Variants in PCDH9 observed in about 807,000 individuals in gnomAD.
The protein encoded by PCDH9 is protocadherin 9, also known as protocadherin-9.
In PCDH9, 24 loss-of-function variants were observed where a neutral mutation model predicts 70.6. The observed-to-expected ratio is 0.34, with a 90% CI of 0.25 to 0.48. The LOEUF (loss-of-function observed/expected upper bound fraction) is 0.48. Ranked by LOEUF, PCDH9 falls within the 20% of genes least tolerant of loss-of-function variation. The pLI is 0.99. For synonymous variants in PCDH9, 562 were observed against 558.5 expected (o/e 1.01, Z -0.09); for missense variants, 1,281 against 1,503.6 (o/e 0.85, Z 2.45).
intron 4 of PCDH9, among the ~76,000 whole-genome samples, chr13:66,559,140 T>C (rs186725972): frequency 2.4e-3 from 365 of 152,244 alleles, no homozygotes; most frequent in African/African-American, 8.4e-3. Context: ...CAGAAGAGAA[T>C]TGTCAGGAGT....
At chr13:66,989,118 C>T (rs2083950708) in intron 2 of PCDH9, among the ~76,000 whole-genome samples, 1 of 151,910 alleles carries the variant, frequency 6.6e-6, no homozygotes, top group African/African-American at 2.4e-5. Context: ...TAAAGATTTA[C>T]ACTCCATTCC....
chr13:66,320,645 C>A (rs903415064), intron 4 of PCDH9, among the ~76,000 whole-genome samples: 1 of 151,866 alleles, frequency 6.6e-6, no homozygotes, highest in Non-Finnish European at 1.5e-5. Flanking sequence ...ACTTCATGGC[C>A]ATGTTATAAC....
At chr13:66,469,866 T>C (rs1269004931) in intron 4 of PCDH9, among the ~76,000 whole-genome samples, 2 of 152,188 alleles carry the variant, frequency 1.3e-5, no homozygotes, top group Non-Finnish European at 1.5e-5. Context: ...TTATCTGCTA[T>C]GTCTGTAACT....
At chr13:66,916,567 A>C (rs1486488996) in intron 2 of PCDH9, among the ~76,000 whole-genome samples, 1 of 151,510 alleles carries the variant, frequency 6.6e-6, no homozygotes, top group Non-Finnish European at 1.5e-5. Flanking sequence ...AAAATCAAAT[A>C]CTCTAATAAA....
At chr13:66,628,558 G>A (rs765568869) in intron 4 of PCDH9, among the ~76,000 whole-genome samples, 21 of 152,172 alleles carry the variant, frequency 1.4e-4, no homozygotes, top group Non-Finnish European at 1.3e-4. Flanking sequence ...CTGGAGTGCA[G>A]TTGAGTGATT....
At chr13:66,798,401 G>T (rs2080277727) in intron 3 of PCDH9, among the ~76,000 whole-genome samples, 1 of 151,992 alleles carries the variant, frequency 6.6e-6, no homozygotes. Context: ...TTCTCCTCTG[G>T]AGTATATGCA....
intron 3 of PCDH9, among the ~76,000 whole-genome samples, chr13:66,732,289 G>A (rs1250988042): frequency 6.6e-6 from 1 of 151,618 alleles, no homozygotes; most frequent in Non-Finnish European, 1.5e-5. Flanking sequence ...TTCTAATCCA[G>A]CTATTTTGAA....
chr13:66,563,370 A>G (rs1260689438), intron 4 of PCDH9, among the ~76,000 whole-genome samples: 2 of 152,124 alleles, frequency 1.3e-5, no homozygotes, highest in African/African-American at 4.8e-5. Flanking sequence ...AGATCCGTAA[A>G]TTCACTTAGG....
chr13:66,424,668 C>T (rs1276785066), intron 4 of PCDH9, among the ~76,000 whole-genome samples: 1 of 151,904 alleles, frequency 6.6e-6, no homozygotes, highest in African/African-American at 2.4e-5. Context: ...ATTCCTTGTA[C>T]ACTGGCCAAA....
chr13:66,597,679 T>A (rs2077119998), intron 4 of PCDH9, among the ~76,000 whole-genome samples: 1 of 151,786 alleles, frequency 6.6e-6, no homozygotes, highest in South Asian at 2.1e-4. Flanking sequence ...GGCAGTAGTT[T>A]CCTGGATATG....
chr13:66,867,543 T>C (rs921304959), intron 3 of PCDH9, among the ~76,000 whole-genome samples: 7 of 152,066 alleles, frequency 4.6e-5, no homozygotes, highest in Admixed American at 4.6e-4. Context: ...AGAATAGCTA[T>C]GAAAAAAACC....
At chr13:66,667,994 A>G (rs2078119443) in intron 3 of PCDH9, among the ~76,000 whole-genome samples, 5 of 152,208 alleles carry the variant, frequency 3.3e-5, no homozygotes. Context: ...ATTTCTTTGC[A>G]CATCTAATTT....
At position 66,452,481 on chromosome 13, in the gene PCDH9, A is replaced by G. The variant is rs187650050; in HGVS notation, c.3341-147453T>C. On this transcript the variant is annotated intron_variant, in intron 4 of 4. Coordinates refer to ENST00000377865, the MANE Select transcript of PCDH9 (RefSeq NM_203487.3). ...CCTCATCCCCATTTATAATATTTAT[A>G]TATTTCTTGAAGATCCTTTCTTTTG... 1.1e-4 allele frequency among the ~76,000 whole-genome samples: 17 copies of G among 152,252 alleles called. No homozygotes were observed. The East Asian group carries it at 3.3e-3, about 29-fold the overall frequency.
chr13:67,188,887 C>T (rs1483280021), intron 2 of PCDH9, among the ~76,000 whole-genome samples: 6 of 151,770 alleles, frequency 4.0e-5, no homozygotes, highest in Admixed American at 6.6e-5. Context: ...CACCCATCAC[C>T]CAAGAAGTAT....
chr13:67,081,095 C>T (rs1488012114), intron 2 of PCDH9, among the ~76,000 whole-genome samples: 3 of 151,976 alleles, frequency 2.0e-5, no homozygotes, highest in African/African-American at 4.8e-5. Flanking sequence ...AAAAGATATC[C>T]ATATGTATTG....
Position 66,921,891 on chromosome 13 carries a change from T to C in PCDH9, c.3037-18286A>G, listed in dbSNP as rs191045861. Among the ~76,000 whole-genome samples the C allele has an allele frequency of 2.6e-5, 4 of 151,446 alleles. No individual in the cohort carries two copies. The East Asian group carries it at 7.7e-4, about 29-fold the overall frequency. ...CTGTCCTGAAATGTATTCAAGTCAT[T>C]AGTAGCTGATTTCACATAGCTAATC... On this transcript the variant is annotated intron_variant, in intron 2 of 4. Coordinates refer to ENST00000377865, the MANE Select transcript of PCDH9 (RefSeq NM_203487.3).
intron 3 of PCDH9, among the ~76,000 whole-genome samples, chr13:66,685,465 G>A (rs771987624): frequency 6.6e-6 from 1 of 152,200 alleles, no homozygotes; most frequent in Non-Finnish European, 1.5e-5. Context: ...TGCTGCAGGG[G>A]TGGAGCCCTC....
At chr13:67,086,109 C>T (rs2086102802) in intron 2 of PCDH9, among the ~76,000 whole-genome samples, 1 of 151,996 alleles carries the variant, frequency 6.6e-6, no homozygotes, top group Admixed American at 6.6e-5. Context: ...CCTACAGATC[C>T]CCAGTGGTTT....
Position 66,980,740 on chromosome 13 carries a change from TTG to T in PCDH9, c.3037-77137_3037-77136del, listed in dbSNP as rs1483605826. Among the ~76,000 whole-genome samples the T allele has an allele frequency of 7.9e-3, 1,110 of 140,282 alleles. 37 individuals are homozygous for T. Among genetic ancestry groups the T allele is most frequent in the African/African-American group, 0.027 (1,044 of 38,366 alleles). The allele number at this position is 140,282 out of a possible 152,430, so 92.0% of individuals were successfully genotyped here. On this transcript the variant is annotated intron_variant, in intron 2 of 4. Coordinates refer to ENST00000377865, the MANE Select transcript of PCDH9 (RefSeq NM_203487.3). ...CCTGTTTTTTTCTTTGTTTTTTTTT[TTG>T]TTTTTTTTTTTACTATTTTATATCC...
Sources: gnomAD v4.1 joint callset for allele counts (sites outside exome capture counted in the v4.1 genomes callset) on GRCh38, gnomAD v4.1.1 for gene constraint, MANE v1.5 for transcripts, NCBI Gene and HGNC (gene_info 2026-07-23, HGNC 2026-07-21) for gene names.